The following HS6ST1 variants were observed in gnomAD, a reference collection of about 807,000 sequenced individuals.
HS6ST1 encodes the protein heparan-sulfate 6-O-sulfotransferase 1.
A neutral mutation model predicts 25.2 loss-of-function variants in HS6ST1; 3 were observed. The ratio of observed to expected loss-of-function variants is 0.12; its 90% CI spans 0.05 to 0.31. The LOEUF is 0.31. HS6ST1 is among the 10% of genes least tolerant of loss of function. The pLI is 1.00. For synonymous variants in HS6ST1, 204 were observed against 275.1 expected (o/e 0.74, Z 2.56); for missense variants, 310 against 609.6 (o/e 0.51, Z 5.18).
intron 1 of HS6ST1, among the ~76,000 whole-genome samples, chr2:128,306,479 A>G (rs971519976): frequency 6.6e-6 from 1 of 152,220 alleles, no homozygotes; most frequent in Non-Finnish European, 1.5e-5. Context: ...ACGGTCACCA[A>G]TGCTCTAGAG....
intron 1 of HS6ST1, among the ~76,000 whole-genome samples, chr2:128,272,664 G>T (rs1340841878): frequency 6.6e-6 from 1 of 152,222 alleles, no homozygotes; most frequent in East Asian, 1.9e-4. Flanking sequence ...GCCAGAGACA[G>T]GGAGGAGAGA....
At chr2:128,316,371 C>T (rs1028133976) in intron 1 of HS6ST1, among the ~76,000 whole-genome samples, 5 of 152,248 alleles carry the variant, frequency 3.3e-5, no homozygotes, top group African/African-American at 9.6e-5. Flanking sequence ...AAGGGGGTGA[C>T]CCCCATCCTT....
At chr2:128,302,386 G>A (rs1465380390) in intron 1 of HS6ST1, among the ~76,000 whole-genome samples, 1 of 152,158 alleles carries the variant, frequency 6.6e-6, no homozygotes, top group African/African-American at 2.4e-5. Context: ...ACATGTGGGA[G>A]TGCATGTGTG....
At chr2:128,279,434 G>T (rs374184390) in intron 1 of HS6ST1, among the ~76,000 whole-genome samples, 1 of 151,572 alleles carries the variant, frequency 6.6e-6, no homozygotes, top group East Asian at 1.9e-4. Context: ...AGAGTCCTTG[G>T]GGGGCCGGCT....
At chr2:128,316,212 G>T (rs933460538) in intron 1 of HS6ST1, among the ~76,000 whole-genome samples, 1 of 152,264 alleles carries the variant, frequency 6.6e-6, no homozygotes, top group East Asian at 1.9e-4. Context: ...GGACCCACAG[G>T]CGTGCGGGGC....
chr2:128,309,799 C>T (rs1435942406), intron 1 of HS6ST1, among the ~76,000 whole-genome samples: 2 of 152,224 alleles, frequency 1.3e-5, no homozygotes, highest in African/African-American at 4.8e-5. Context: ...GGTCAGTCTC[C>T]CCATGGCACG....
chr2:128,310,539 G>T (rs545680436), intron 1 of HS6ST1, among the ~76,000 whole-genome samples: 30 of 152,312 alleles, frequency 2.0e-4, no homozygotes, highest in Non-Finnish European at 3.5e-4. Flanking sequence ...TGGCATGGAG[G>T]GGGAGAGCTG....
intron 1 of HS6ST1, among the ~76,000 whole-genome samples, chr2:128,307,764 G>A (rs766528036): frequency 2.0e-5 from 3 of 152,242 alleles, no homozygotes; most frequent in South Asian, 4.1e-4. Context: ...AAGAGTGCCC[G>A]CCCAAACAAT....
At position 128,314,883 on chromosome 2, in the gene HS6ST1, G is replaced by A. The variant is rs561091445; in HGVS notation, c.527+3154C>T. Among the ~76,000 whole-genome samples, 18 of 152,312 alleles carry A rather than the reference G, an allele frequency of 1.2e-4. 1 individual carries two copies. In the East Asian group the frequency reaches 2.9e-3, roughly 25 times the overall value. On this transcript the variant is annotated intron_variant, in intron 1 of 1. Transcript: ENST00000259241. Reference sequence around the variant, plus strand: ...TTCAGGGACATTTCCAGGGTGGCCCGGGCAAGACCTTGACCATGCCTGTTC... The same window carrying A: ...TTCAGGGACATTTCCAGGGTGGCCCAGGCAAGACCTTGACCATGCCTGTTC...
At chr2:128,269,250 G>A (rs1455834984) in intron 1 of HS6ST1, among the ~76,000 whole-genome samples, 4 of 152,188 alleles carry the variant, frequency 2.6e-5, no homozygotes, top group African/African-American at 9.7e-5. Context: ...GCCACCCAAA[G>A]AGCCACTCAG....
At chr2:128,291,083 A>C (rs892284912) in intron 1 of HS6ST1, among the ~76,000 whole-genome samples, 1 of 152,252 alleles carries the variant, frequency 6.6e-6, no homozygotes, top group Admixed American at 6.5e-5. Context: ...TAAGATCATG[A>C]ATAAGACAAA....
chr2:128,297,029 C>T (rs1203258054), intron 1 of HS6ST1, among the ~76,000 whole-genome samples: 1 of 152,096 alleles, frequency 6.6e-6, no homozygotes, highest in Non-Finnish European at 1.5e-5. Context: ...ATCACTGCAC[C>T]TTAGCCTGGA....
chr2:128,303,148 G>A (rs1694158166), intron 1 of HS6ST1, among the ~76,000 whole-genome samples: 1 of 152,240 alleles, frequency 6.6e-6, no homozygotes, highest in South Asian at 2.1e-4. Flanking sequence ...GCCCAAGGGC[G>A]AGGCACACAG....
chr2:128,285,105 G>A (rs1375511131), intron 1 of HS6ST1, among the ~76,000 whole-genome samples: 1 of 152,192 alleles, frequency 6.6e-6, no homozygotes, highest in Non-Finnish European at 1.5e-5. Context: ...TGCCTACTGC[G>A]TGCTCTAGGT....
chr2:128,280,630 T>C (rs1343943950), intron 1 of HS6ST1, among the ~76,000 whole-genome samples: 1 of 151,770 alleles, frequency 6.6e-6, no homozygotes, highest in African/African-American at 2.4e-5. Flanking sequence ...CCTCTACAAA[T>C]GCAACACAGA....
intron 1 of HS6ST1, among the ~76,000 whole-genome samples, chr2:128,289,298 G>T (rs1390240697): frequency 6.6e-6 from 1 of 152,184 alleles, no homozygotes; most frequent in Non-Finnish European, 1.5e-5. Context: ...GCCATTTTAT[G>T]GCCCCCCATC....
chr2:128,273,639 G>C (rs1275235082), intron 1 of HS6ST1, among the ~76,000 whole-genome samples: 1 of 152,222 alleles, frequency 6.6e-6, no homozygotes. Flanking sequence ...GGCACTGCTG[G>C]CCACAGGCAC....
At chr2:128,305,771 T>C (rs1405237379) in intron 1 of HS6ST1, among the ~76,000 whole-genome samples, 1 of 152,226 alleles carries the variant, frequency 6.6e-6, no homozygotes, top group Non-Finnish European at 1.5e-5. Context: ...GACAGCTGCT[T>C]CCAGCAGGCC....
Position 128,318,396 on chromosome 2 carries a change from C to G in HS6ST1, c.168G>C (p.Leu56=), listed in dbSNP as rs749357283. 4.4e-6 allele frequency: 7 copies of G among 1,603,446 alleles called. No homozygotes were observed. The South Asian group carries it at 4.4e-5, about 10-fold the overall frequency. The change falls in exon 1 of 2, where the codon CTG becomes CTC. Residue 56 remains leucine, a synonymous_variant. Coordinates refer to ENST00000259241, the MANE Select transcript of HS6ST1 (RefSeq NM_004807.3). This position sits in a 1 kb window ranked among gnomAD's most constrained non-coding sequence, Gnocchi z 5.7. ...CGTAGTGGGGGTCGGGTGTGGGGAA[C>G]AGGTCCAGGTCGTCGGGCGGCGCGC... The part of the protein sequence containing the change: ...GGRAPPDDLD[L]FPTPDPHYEK...
Sources: gnomAD v4.1 joint callset for allele counts (sites outside exome capture counted in the v4.1 genomes callset) on GRCh38, gnomAD v4.1.1 for gene constraint, Gnocchi (gnomAD v3.1) non-coding constraint, MANE v1.5 for transcripts, NCBI Gene and HGNC (gene_info 2026-07-23, HGNC 2026-07-21) for gene names.